The following ANKRD36C variants were observed in gnomAD, a reference collection of about 807,000 sequenced individuals.
The protein encoded by ANKRD36C is ankyrin repeat domain 36C.
In ANKRD36C, 61 loss-of-function variants were observed where a neutral mutation model predicts 276.4. The ratio of observed to expected loss-of-function variants is 0.22; its 90% CI spans 0.18 to 0.27. ANKRD36C has a LOEUF of 0.27. Ranked by LOEUF, ANKRD36C falls within the 10% of genes least tolerant of loss-of-function variation. The probability of loss-of-function intolerance (pLI) is 1.00; values close to 1 mark genes in which losing one functional copy is unlikely to be tolerated. For synonymous variants in ANKRD36C, 483 were observed against 680.1 expected (o/e 0.71, Z 4.51); for missense variants, 1,447 against 2,032.3 (o/e 0.71, Z 5.54).
chr2:95,973,867 C>A (rs571463904), intron 6 of ANKRD36C, among the ~76,000 whole-genome samples: 3 of 151,974 alleles, frequency 2.0e-5, no homozygotes, highest in Non-Finnish European at 2.9e-5. Flanking sequence ...GAGAGAGAGA[C>A]CCTTGTCTCT....
At chr2:95,893,135 G>A (rs1452402210) in intron 44 of ANKRD36C, among the ~76,000 whole-genome samples, 2 of 151,370 alleles carry the variant, frequency 1.3e-5, no homozygotes, top group Admixed American at 1.3e-4. Flanking sequence ...TTCTCCTACA[G>A]TGTGTACGGG....
At chr2:95,918,663 CT>C (rs1677182222) in intron 34 of ANKRD36C, among the ~76,000 whole-genome samples, 2 of 151,676 alleles carry the variant, frequency 1.3e-5, no homozygotes, top group South Asian at 4.1e-4. Context: ...CTTGGATCCA[CT>C]AGTTTATCCC....
intron 59 of ANKRD36C, among the ~76,000 whole-genome samples, chr2:95,871,906 A>G (rs564917907): frequency 3.3e-4 from 50 of 151,314 alleles, no homozygotes; most frequent in Admixed American, 1.3e-3. Context: ...AACAAAGATC[A>G]AAAGAGACAA....
At chr2:95,980,046 GA>G (rs976856648) in intron 5 of ANKRD36C, among the ~76,000 whole-genome samples, 4 of 152,044 alleles carry the variant, frequency 2.6e-5, no homozygotes, top group African/African-American at 9.6e-5. Context: ...ATGTCAAACA[GA>G]AAGGGCATCC....
intron 40 of ANKRD36C, 137 bp from the exon 43 acceptor site, chr2:95,912,572 G>A (rs1676965041): frequency 6.6e-7 from 1 of 1,519,746 alleles, no homozygotes; most frequent in Admixed American, 1.9e-5. Context: ...TTTTGTGTCT[G>A]GGGACCAGAA....
chr2:95,943,243 G>C (rs1160511778), intron 19 of ANKRD36C, among the ~76,000 whole-genome samples: 1 of 152,308 alleles, frequency 6.6e-6, no homozygotes, highest in Non-Finnish European at 1.5e-5. Flanking sequence ...CAGCACTTTG[G>C]GAGGCCGAGG....
At chr2:95,871,709 GAC>G (rs948837267) in intron 59 of ANKRD36C, among the ~76,000 whole-genome samples, 69 of 152,072 alleles carry the variant, frequency 4.5e-4, no homozygotes, top group African/African-American at 1.6e-3. Context: ...CCAATCAAAA[GAC>G]ACAGACTGGC....
rs549824740 is a variant in ANKRD36C, at chr2:95,983,994, T to C, written c.487-1632A>G. ...GCAATATGCATAACCTATGCAACTA[T>C]ACCGTGATTCACCTTAAAAAGCTTA... On this transcript the variant is annotated intron_variant, in intron 3 of 66. Coordinates refer to ENST00000456556, the Ensembl canonical transcript of ANKRD36C. Among the ~76,000 whole-genome samples, 3 of 152,336 alleles carry C rather than the reference T, an allele frequency of 2.0e-5. No homozygotes were observed. In the South Asian group the frequency reaches 6.2e-4, roughly 32 times the overall value.
chr2:95,969,166 G>T (rs948980748), intron 6 of ANKRD36C, among the ~76,000 whole-genome samples: 2 of 152,078 alleles, frequency 1.3e-5, no homozygotes, highest in Non-Finnish European at 2.9e-5. Context: ...TGAGGGGTGG[G>T]GCTGGAAGTC....
chr2:95,912,079 C>A (rs1203392727), intron 42 of ANKRD36C, among the ~76,000 whole-genome samples, 165 bp downstream of exon 44: 4 of 151,340 alleles, frequency 2.6e-5, no homozygotes, highest in Non-Finnish European at 4.4e-5. Flanking sequence ...AGATCATGTT[C>A]CAGACCAGCA....
chr2:95,955,922 C>T (rs1414394564), intron 13 of ANKRD36C, among the ~76,000 whole-genome samples: 1 of 151,802 alleles, frequency 6.6e-6, no homozygotes, highest in African/African-American at 2.4e-5. Flanking sequence ...TATTTAGCTG[C>T]CATACATGAA....
chr2:95,972,900 C>T (rs2104523886), intron 6 of ANKRD36C, among the ~76,000 whole-genome samples: 1 of 152,136 alleles, frequency 6.6e-6, no homozygotes, highest in African/African-American at 2.4e-5. Context: ...AGAAGAGAAA[C>T]AAAAAGATCA....
intron 17 of ANKRD36C, among the ~76,000 whole-genome samples, chr2:95,946,656 C>A: frequency 6.6e-6 from 1 of 150,416 alleles, no homozygotes. Flanking sequence ...TTGGAACCAA[C>A]CCAAATGTCC....
intron 63 of ANKRD36C, among the ~76,000 whole-genome samples, chr2:95,854,708 A>C (rs1389437673): frequency 3.9e-5 from 6 of 152,332 alleles, no homozygotes; most frequent in Non-Finnish European, 8.8e-5. Context: ...GAATAGAATG[A>C]TCATATCTAT....
At chr2:95,860,958 C>A (rs77197362) in intron 60 of ANKRD36C, among the ~76,000 whole-genome samples, 2 of 152,074 alleles carry the variant, frequency 1.3e-5, no homozygotes, top group South Asian at 2.1e-4. Context: ...TTAAAAAAAA[C>A]AGTTAAAGAA....
Position 95,893,795 on chromosome 2 carries a change from G to C in ANKRD36C, c.2756-1935C>G, listed in dbSNP as rs542416256. 13 of 1,598,124 alleles carry C rather than the reference G, an allele frequency of 8.1e-6. No individual in the cohort carries two copies. In the South Asian group the frequency reaches 1.4e-4, roughly 18 times the overall value. ...AAAGATATCCATAGATTCATGCAGA[G>C]TTAGCATCAAACTCTGTCCTCCTGC... On this transcript the variant is annotated intron_variant, in intron 44 of 66. Coordinates refer to ENST00000456556, the Ensembl canonical transcript of ANKRD36C.
intron 50 of ANKRD36C, among the ~76,000 whole-genome samples, chr2:95,886,897 G>A (rs535403492): frequency 1.3e-4 from 20 of 151,662 alleles, no homozygotes; most frequent in African/African-American, 4.8e-4. Flanking sequence ...TCATCCACTC[G>A]TGGCAACAAA....
intron 46 of ANKRD36C, among the ~76,000 whole-genome samples, chr2:95,891,211 T>C (rs1283133687): frequency 6.6e-6 from 1 of 151,458 alleles, no homozygotes; most frequent in Non-Finnish European, 1.5e-5. Context: ...TCACAATCCG[T>C]CTTCCTTAGG....
rs1676430434 is a variant in ANKRD36C, at chr2:95,893,292, C to T, written c.2756-1432G>A. Among the ~76,000 whole-genome samples the T allele has an allele frequency of 2.0e-5, 3 of 151,202 alleles. No individual in the cohort carries two copies. The South Asian group carries it at 6.3e-4, about 32-fold the overall frequency. ...TGTTCCCCAGAGCCCCTTATGTCTTCAACTGCTCTCCATATATCTTCTTTC... is the reference window on the plus strand; with the variant it reads ...TGTTCCCCAGAGCCCCTTATGTCTTTAACTGCTCTCCATATATCTTCTTTC... On this transcript the variant is annotated intron_variant, in intron 44 of 66. Transcript: ENST00000456556.
Sources: allele counts gnomAD v4.1 joint callset (sites outside exome capture counted in the v4.1 genomes callset), GRCh38; gene constraint gnomAD v4.1.1; transcripts MANE v1.5; gene names NCBI Gene and HGNC (gene_info 2026-07-23, HGNC 2026-07-21).